The following CNR2 variants were observed in gnomAD, a reference collection of about 807,000 sequenced individuals.
The protein encoded by CNR2 is cannabinoid receptor 2 (macrophage).
For synonymous variants in CNR2, 172 were observed against 182.2 expected, an observed-to-expected ratio of 0.94 and a Z score of 0.45; for missense variants, 379 against 439.9, an observed-to-expected ratio of 0.86 and a Z score of 1.24.
At chr1:23,898,335 C>CCTATTTTTTT (rs1230917304) in intron 1 of CNR2, among the ~76,000 whole-genome samples, 2 of 108,226 alleles carry the variant, frequency 1.8e-5, no homozygotes, top group Admixed American at 1.0e-4. Flanking sequence ...CCGCGCCCGG[C>CCTATTTTTTT]TTTTTTTTTT....
chr1:23,911,795 C>T (rs1192323145), intron 1 of CNR2, among the ~76,000 whole-genome samples: 9 of 152,144 alleles, frequency 5.9e-5, no homozygotes, highest in Admixed American at 5.9e-4. Flanking sequence ...TATGCTTCAC[C>T]TGCCCAGCGC....
chr1:23,871,154 CAAAAAAAAAAAAAA>C lies in CNR2; in HGVS notation c.*3367_*3380del, dbSNP rs34781596. 1 of 58,770 alleles carries C rather than the reference CAAAAAAAAAAAAAA, an allele frequency of 1.7e-5. No homozygotes were observed. The highest frequency in any genetic ancestry group is 9.5e-4 in the South Asian group (1 of 1,058). 3.6% of individuals were successfully genotyped at this position (58,770 alleles called of 1,614,324 possible). A position where few individuals can be genotyped will look rare whatever the true frequency, so the allele number is the denominator to read the frequency against. On this transcript the variant is annotated 3_prime_UTR_variant, in exon 2 of 2. Transcript: ENST00000374472. ...TGGGTGACAGAGTGAGATTCTATGT[CAAAAAAAAAAAAAA>C]AAAAAAAAAAAGCAGAAATACAGTG...
chr1:23,885,528 T>C (rs1480825981), intron 1 of CNR2, among the ~76,000 whole-genome samples: 2 of 152,180 alleles, frequency 1.3e-5, no homozygotes, highest in Non-Finnish European at 1.5e-5. Context: ...TGATTATTAT[T>C]ATTCTTAGGC....
At chr1:23,900,652 A>G (rs1451093675) in intron 1 of CNR2, among the ~76,000 whole-genome samples, 1 of 152,000 alleles carries the variant, frequency 6.6e-6, no homozygotes, top group African/African-American at 2.4e-5. Flanking sequence ...GATTACAGGC[A>G]TGTGCCACCA....
At position 23,901,523 on chromosome 1, in the gene CNR2, T is replaced by C. The variant is rs527877429; in HGVS notation, c.-46+11723A>G. Reference sequence around the variant, plus strand: ...CTGCCCACCCTGGACCCCAGTCCCGTTGGTGCTGTCCGAGGAGCACTGGAA... The same window carrying C: ...CTGCCCACCCTGGACCCCAGTCCCGCTGGTGCTGTCCGAGGAGCACTGGAA... On this transcript the variant is annotated intron_variant, in intron 1 of 1. Coordinates refer to ENST00000374472, the MANE Select transcript of CNR2 (RefSeq NM_001841.3). The C allele has an allele frequency of 1.2e-4, 186 of 1,603,522 alleles. No homozygotes were observed. The African/African-American group carries it at 2.1e-3, about 18-fold the overall frequency.
At chr1:23,880,209 A>C (rs1639956047) in intron 1 of CNR2, among the ~76,000 whole-genome samples, 3 of 89,906 alleles carry the variant, frequency 3.3e-5, no homozygotes, top group Non-Finnish European at 4.5e-5. Context: ...ACGGAGTCTC[A>C]CTCTGTCACC....
At chr1:23,912,447 G>A (rs1640602272) in intron 1 of CNR2, among the ~76,000 whole-genome samples, 1 of 152,218 alleles carries the variant, frequency 6.6e-6, no homozygotes, top group African/African-American at 2.4e-5. Context: ...TCCACACCTC[G>A]TAAGGCAGGA....
chr1:23,874,636 C>T lies in CNR2; in HGVS notation c.982G>A (p.Ala328Thr), dbSNP rs201819496. 2.5e-6 allele frequency: 4 copies of T among 1,614,152 alleles called. No individual in the cohort carries two copies. Among genetic ancestry groups the T allele is most frequent in the African/African-American group, 1.3e-5 (1 of 75,020 alleles). ...GAGGATCTCGGGGCTTCTTCTTTTG[C>T]CTCTGACCCAAGGCCCCTCACACAC... ...KKCVRGLGSE[A>T]KEEAPRSSVT... The change falls in exon 2 of 2, where the codon GCA (alanine) becomes ACA (threonine). Residue 328 changes from alanine (A) to threonine (T), a missense_variant. By Grantham distance (58) the Ala-to-Thr change is moderately conservative. Coordinates refer to ENST00000374472, the MANE Select transcript of CNR2 (RefSeq NM_001841.3).
intron 1 of CNR2, among the ~76,000 whole-genome samples, chr1:23,892,758 G>A (rs1186293972): frequency 1.3e-5 from 2 of 151,942 alleles, no homozygotes; most frequent in Non-Finnish European, 1.5e-5. Context: ...GGCTCATGCT[G>A]TAATCCCAGC....
In CNR2 at chr1:23,896,894, T is replaced by TC. The variant is rs1331366560; in HGVS notation, c.-46+16351_-46+16352insG. 2.6e-5 allele frequency among the ~76,000 whole-genome samples: 4 copies of TC among 150,970 alleles called. No individual in the cohort carries two copies. The East Asian group carries it at 5.8e-4, about 22-fold the overall frequency. The stretch of plus-strand genomic sequence containing the variant: ...TGCACCAGGAGTGTTTTTTTTTTTT[T>TC]TTCTTCTAGAGTCTTGCTCTGTCAC... On this transcript the variant is annotated intron_variant, in intron 1 of 1. Coordinates refer to ENST00000374472, the MANE Select transcript of CNR2 (RefSeq NM_001841.3).
Position 23,874,548 on chromosome 1 carries a change from A to G in CNR2, c.1070T>C (p.Leu357Pro). Residue 357 changes from leucine to proline, a missense_variant, in exon 2 of 2, where the codon CTC (leucine) becomes CCC (proline). By Grantham distance (98) the Leu-to-Pro change is moderately conservative. Transcript: ENST00000374472. ...TPWPDSRDLDLSDC is the reference protein window; with the variant it reads ...TPWPDSRDLDPSDC ...GAAGAGGCCTCATCAGCAATCAGAG[A>G]GGTCTAGATCTCTGGAATCTGGCCA... 5.6e-6 allele frequency: 9 copies of G among 1,611,494 alleles called. No individual in the cohort carries two copies. Among genetic ancestry groups the G allele is most frequent in the Non-Finnish European group, 7.6e-6 (9 of 1,178,800 alleles).
In CNR2 at chr1:23,871,082, G is replaced by A. The variant is rs1032324920; in HGVS notation, c.*3453C>T. On this transcript the variant is annotated 3_prime_UTR_variant, in exon 2 of 2. Transcript: ENST00000374472. The stretch of plus-strand genomic sequence containing the variant: ...GCAGGAGAACTGCTTGAACCCAGGA[G>A]GCAGAGGTTGCAGTGAGCCAAGATT... The A allele has an allele frequency of 1.1e-4, 17 of 148,354 alleles. No homozygotes were observed. Among genetic ancestry groups the A allele is most frequent in the African/African-American group, 4.2e-4 (17 of 40,208 alleles). The allele number at this position is 148,354 out of a possible 1,614,324, so 9.2% of individuals were successfully genotyped here. A position where few individuals can be genotyped will look rare whatever the true frequency, so the allele number is the denominator to read the frequency against.
chr1:23,881,524 C>T (rs1448884247), intron 1 of CNR2, among the ~76,000 whole-genome samples: 4 of 151,326 alleles, frequency 2.6e-5, no homozygotes, highest in African/African-American at 9.7e-5. Flanking sequence ...ACCTAGGAGG[C>T]GGAGGCTGCA....
intron 1 of CNR2, among the ~76,000 whole-genome samples, chr1:23,876,659 C>A (rs1639880971): frequency 6.6e-6 from 1 of 151,716 alleles, no homozygotes; most frequent in African/African-American, 2.4e-5. Flanking sequence ...CATGGTGAAA[C>A]CCCGTCTCTA....
In CNR2 at chr1:23,874,607, G is replaced by A. The variant is rs1557520840; in HGVS notation, c.1011C>T (p.Val337=). The A allele has an allele frequency of 1.2e-6, 2 of 1,614,162 alleles. No homozygotes were observed. The highest frequency in any genetic ancestry group is 1.7e-6 in the Non-Finnish European group (2 of 1,180,026). ...TTTTCCCATCAGCCTCTGTCTCGGT[G>A]ACTGAGGATCTCGGGGCTTCTTCTT... ...EAKEEAPRSS[V]TETEADGKIT... Residue 337 remains valine (V), a synonymous_variant, in exon 2 of 2, where the codon GTC becomes GTT. Coordinates refer to ENST00000374472, the MANE Select transcript of CNR2 (RefSeq NM_001841.3).
At chr1:23,905,425 C>T (rs1640471855) in intron 1 of CNR2, among the ~76,000 whole-genome samples, 2 of 151,542 alleles carry the variant, frequency 1.3e-5, no homozygotes, top group Admixed American at 1.3e-4. Context: ...GGTGATCCAC[C>T]TGCCTTGGCC....
intron 1 of CNR2, among the ~76,000 whole-genome samples, chr1:23,877,634 T>A (rs1478695999): frequency 6.9e-6 from 1 of 145,644 alleles, no homozygotes; most frequent in Non-Finnish European, 1.5e-5. Context: ...AGAGCAAGAC[T>A]CCATCTCAAA....
At chr1:23,909,061 G>A (rs1189636778) in intron 1 of CNR2, among the ~76,000 whole-genome samples, 1 of 151,996 alleles carries the variant, frequency 6.6e-6, no homozygotes, top group Non-Finnish European at 1.5e-5. Flanking sequence ...ACCGGACACC[G>A]AACCACGAAG....
chr1:23,907,425 A>C (rs1570724225), intron 1 of CNR2, among the ~76,000 whole-genome samples: 1 of 151,416 alleles, frequency 6.6e-6, no homozygotes, highest in African/African-American at 2.4e-5. Flanking sequence ...AAAAAAAAAA[A>C]ACAAGAGAAA....
Sources: allele counts gnomAD v4.1 joint callset (sites outside exome capture counted in the v4.1 genomes callset), GRCh38; gene constraint gnomAD v4.1.1; transcripts MANE v1.5; gene names NCBI Gene and HGNC (gene_info 2026-07-23, HGNC 2026-07-21).